The following SSX2IP variants were observed in gnomAD, a reference collection of about 807,000 sequenced individuals.
The protein encoded by SSX2IP is afadin- and alpha-actinin-binding protein.
Under a neutral mutation model 84.9 loss-of-function variants are expected in SSX2IP, and 55 were observed. The observed-to-expected ratio is 0.65, with a 90% CI of 0.52 to 0.81. SSX2IP has a LOEUF of 0.81. SSX2IP is among the 30% of genes least tolerant of loss of function. The pLI is 0.00. For missense variants in SSX2IP, 664 were observed against 705.2 expected, an observed-to-expected ratio of 0.94 and a Z score of 0.66; for synonymous variants, 239 against 234.7, an observed-to-expected ratio of 1.02 and a Z score of -0.17.
chr1:84,655,420 A>G, intron 11 of SSX2IP: 1 of 1,289,308 alleles, frequency 7.8e-7, no homozygotes, highest in Non-Finnish European at 1.0e-6. Context: ...ATATATAACA[A>G]TGATGGACTG....
intron 4 of SSX2IP, among the ~76,000 whole-genome samples, chr1:84,668,922 T>C (rs1653126594): frequency 1.3e-5 from 2 of 152,120 alleles, no homozygotes; most frequent in Admixed American, 6.6e-5. Context: ...CAAAACCCAA[T>C]ATAGAATTGT....
intron 3 of SSX2IP, chr1:84,670,229 TA>T (rs908732273): frequency 2.5e-3 from 425 of 171,922 alleles, no homozygotes; most frequent in South Asian, 4.9e-3. Context: ...GGCAACTTAG[TA>T]AAAAAAAAAT....
In SSX2IP at chr1:84,650,459, C is replaced by T; in HGVS notation, c.1573G>A (p.Gly525Arg). Reference sequence around the variant, plus strand: ...AGTTTAGACATGCAAACTGGAGACCCATTAGACACACTGTGAGGCTTCTTT... The same window carrying T: ...AGTTTAGACATGCAAACTGGAGACCTATTAGACACACTGTGAGGCTTCTTT... ...PQKKPHSVSN[G>R]SPVCMSKLTK... is the part of the protein sequence containing the mutation. Residue 525 changes from glycine (G) to arginine (R), a missense_variant, in exon 13 of 14, where the codon GGG becomes AGG. Transcript: ENST00000342203. 6.2e-7 allele frequency: 1 copy of T among 1,614,164 alleles called. No individual in the cohort carries two copies. Among genetic ancestry groups the T allele is most frequent in the Non-Finnish European group, 8.5e-7 (1 of 1,180,028 alleles).
intron 9 of SSX2IP, among the ~76,000 whole-genome samples, chr1:84,656,921 A>G (rs1310095736): frequency 6.6e-6 from 1 of 152,196 alleles, no homozygotes; most frequent in African/African-American, 2.4e-5. Flanking sequence ...AAGTGTCACA[A>G]ATCTTGCTCT....
intron 8 of SSX2IP, among the ~76,000 whole-genome samples, chr1:84,660,895 C>CAAAAAAAAAAAA (rs11362631): frequency 3.1e-5 from 3 of 98,002 alleles, no homozygotes; most frequent in African/African-American, 8.3e-5. Context: ...TACTAAAATA[C>CAAAAAAAAAAAA]AAAAAAAAAA....
intron 5 of SSX2IP, among the ~76,000 whole-genome samples, chr1:84,665,752 C>T (rs1421160891): frequency 6.6e-6 from 1 of 152,098 alleles, no homozygotes; most frequent in Non-Finnish European, 1.5e-5. Flanking sequence ...ACAGTGCATG[C>T]AAGAAGGGGC....
At position 84,650,392 on chromosome 1, in the gene SSX2IP, CA is replaced by C. The variant is rs1046137171; in HGVS notation, c.1639del (p.Cys547AlafsTer16). ...LPASPSTSDF[C>X]QTRSCISEHS... The stretch of plus-strand genomic sequence containing the variant: ...TTCAGATATGCAGGAACGTGTCTGG[CA>C]AAAGTCTGAAGTGGAAGGTGAAGCA... On this transcript the variant is annotated frameshift_variant, in exon 13 of 14. Coordinates refer to ENST00000342203, the MANE Select transcript of SSX2IP (RefSeq NM_001166293.2). LOFTEE classifies it high-confidence loss of function. 6.2e-6 allele frequency: 10 copies of C among 1,613,986 alleles called. No individual in the cohort carries two copies. Among genetic ancestry groups the C allele is most frequent in the African/African-American group, 2.7e-5 (2 of 74,882 alleles).
rs780335787 is a variant in SSX2IP, at chr1:84,664,541, T to A, written c.549A>T (p.Leu183Phe). ...LKNEKDEVQKLQNIIASRATQ... is the reference protein window; with the variant it reads ...LKNEKDEVQKFQNIIASRATQ... ...TAGCTCGACTTGCAATGATATTTTG[T>A]AATTTTTGCACCTGAAAAAGGCATT... The change falls in exon 6 of 14, where the codon TTA (leucine) becomes TTT (phenylalanine). Residue 183 changes from leucine to phenylalanine, a missense_variant. Physicochemically the swap from Leu to Phe is conservative, Grantham distance 22. Transcript: ENST00000342203. The A allele has an allele frequency of 2.2e-5, 35 of 1,574,432 alleles. No individual in the cohort carries two copies. The highest frequency in any genetic ancestry group is 1.7e-4 in the Middle Eastern group (1 of 5,896).
chr1:84,655,577 G>C, intron 11 of SSX2IP: 1 of 1,429,506 alleles, frequency 7.0e-7, no homozygotes, highest in Non-Finnish European at 9.3e-7. Context: ...CACTTAGCAG[G>C]AGAAAGCCAA....
chr1:84,647,261 C>G lies in SSX2IP; in HGVS notation c.*172G>C. 4.2e-6 allele frequency: 2 copies of G among 478,094 alleles called. No homozygotes were observed. The highest frequency in any genetic ancestry group is 6.8e-5 in the East Asian group (2 of 29,200). The allele number at this position is 478,094 out of a possible 1,614,324, so 29.6% of individuals were successfully genotyped here. On this transcript the variant is annotated 3_prime_UTR_variant, in exon 14 of 14. Coordinates refer to ENST00000342203, the MANE Select transcript of SSX2IP (RefSeq NM_001166293.2). Reference sequence around the variant, plus strand: ...AAATACATATCCAAAGCTTTTATATCCTTTTAAATAGATTTAAGATTTCAA... The same window carrying G: ...AAATACATATCCAAAGCTTTTATATGCTTTTAAATAGATTTAAGATTTCAA...
intron 11 of SSX2IP, among the ~76,000 whole-genome samples, chr1:84,654,010 G>C (rs895772063): frequency 6.6e-6 from 1 of 152,032 alleles, no homozygotes; most frequent in Non-Finnish European, 1.5e-5. Context: ...GACCCTGAAA[G>C]GCCAGTTTCG....
chr1:84,651,757 G>GT, intron 12 of SSX2IP, 126 bp downstream of exon 12: 2 of 615,368 alleles, frequency 3.3e-6, no homozygotes, highest in Non-Finnish European at 5.4e-6. Flanking sequence ...TTGACTTTTA[G>GT]TTATAATTAG....
At chr1:84,665,094 A>G (rs1404452374) in intron 5 of SSX2IP, among the ~76,000 whole-genome samples, 1 of 152,130 alleles carries the variant, frequency 6.6e-6, no homozygotes, top group African/African-American at 2.4e-5. Context: ...TGCTGTTCAA[A>G]ATTTAGATCT....
At chr1:84,669,914 C>T (rs1653310642) in intron 3 of SSX2IP, 21 bp from the exon 4 acceptor site, 1 of 1,596,404 alleles carries the variant, frequency 6.3e-7, no homozygotes, top group Admixed American at 1.7e-5. Flanking sequence ...AAAATGTTTT[C>T]TTAAAGTTGG....
At chr1:84,659,263 G>T (rs1651568984) in intron 8 of SSX2IP, among the ~76,000 whole-genome samples, 1 of 151,068 alleles carries the variant, frequency 6.6e-6, no homozygotes. Flanking sequence ...CGCACATGGA[G>T]ATCAGCAGGA....
intron 5 of SSX2IP, 21 bp from the exon 6 acceptor site, chr1:84,664,573 T>A: frequency 6.4e-7 from 1 of 1,560,012 alleles, no homozygotes; most frequent in Non-Finnish European, 8.6e-7. Flanking sequence ...CATTTGCTAT[T>A]ATAAGCCCAG....
intron 13 of SSX2IP, chr1:84,650,097 T>C: frequency 1.6e-6 from 1 of 620,080 alleles, no homozygotes; most frequent in East Asian, 2.7e-5. Flanking sequence ...AAATTGTATC[T>C]TAAATGTGAA....
rs1297597524 is a variant in SSX2IP, at chr1:84,646,617, GC to G, written c.*815del. ...TATTCAAAGGTACTTTTGTCGTCTT[GC>G]CCCTATTCTTCTATCATCAATAGTC... On this transcript the variant is annotated 3_prime_UTR_variant, in exon 14 of 14. Transcript: ENST00000342203. The G allele has an allele frequency of 6.6e-6, 1 of 152,326 alleles. No homozygotes were observed. The highest frequency in any genetic ancestry group is 2.4e-5 in the African/African-American group (1 of 41,370). 9.4% of individuals were successfully genotyped at this position (152,326 alleles called of 1,614,324 possible).
chr1:84,674,150 T>C (rs1319705138), intron 1 of SSX2IP, among the ~76,000 whole-genome samples: 1 of 152,178 alleles, frequency 6.6e-6, no homozygotes, highest in East Asian at 1.9e-4. Context: ...CATACCTCTC[T>C]GATAAATTAC....
Sources: gnomAD v4.1 joint callset for allele counts (sites outside exome capture counted in the v4.1 genomes callset) on GRCh38, gnomAD v4.1.1 for gene constraint, MANE v1.5 for transcripts, NCBI Gene and HGNC (gene_info 2026-07-23, HGNC 2026-07-21) for gene names.